COL14A1: variants seen among roughly 807,000 people sequenced by gnomAD.
COL14A1 encodes the protein collagen alpha-1(XIV) chain.
In COL14A1, 136 loss-of-function variants were observed where a neutral mutation model predicts 230.3. The observed-to-expected ratio is 0.59, with a 90% CI of 0.51 to 0.68. The LOEUF is 0.68. Ranked by LOEUF, COL14A1 falls within the 30% of genes least tolerant of loss-of-function variation. The pLI is 0.00. For missense variants in COL14A1, 1,976 were observed against 2,215.8 expected (o/e 0.89, Z 2.17); for synonymous variants, 792 against 784.1 (o/e 1.01, Z -0.17).
intron 2 of COL14A1, among the ~76,000 whole-genome samples, chr8:120,149,257 C>A (rs1345327337): frequency 6.6e-6 from 1 of 152,176 alleles, no homozygotes; most frequent in African/African-American, 2.4e-5. Flanking sequence ...AATGCATGAA[C>A]CACCACACAC....
At chr8:120,234,220 G>A (rs971572237) in intron 19 of COL14A1, among the ~76,000 whole-genome samples, 2 of 152,186 alleles carry the variant, frequency 1.3e-5, no homozygotes, top group African/African-American at 4.8e-5. Flanking sequence ...GGGCTGAGAT[G>A]ATGGGGTTTT....
chr8:120,187,340 T>C (rs926139607), intron 5 of COL14A1, among the ~76,000 whole-genome samples: 1 of 152,166 alleles, frequency 6.6e-6, no homozygotes, highest in Non-Finnish European at 1.5e-5. Flanking sequence ...TTGTTTACTT[T>C]TATAAAGCGC....
intron 42 of COL14A1, among the ~76,000 whole-genome samples, chr8:120,339,365 A>G (rs1245592671): frequency 3.3e-5 from 5 of 152,204 alleles, no homozygotes; most frequent in African/African-American, 1.2e-4. Flanking sequence ...TTGAAGTGAA[A>G]TTCAGCCACA....
intron 26 of COL14A1, among the ~76,000 whole-genome samples, chr8:120,273,146 A>G (rs936193745): frequency 1.3e-5 from 2 of 151,876 alleles, no homozygotes; most frequent in African/African-American, 4.8e-5. Context: ...GGAATCCTCA[A>G]AAGTATACAA....
In COL14A1 at chr8:120,216,486, A is replaced by G. The variant is rs771120594; in HGVS notation, c.1733A>G (p.Asn578Ser). 1.2e-6 allele frequency: 2 copies of G among 1,608,698 alleles called. No homozygotes were observed. Among genetic ancestry groups the G allele is most frequent in the Non-Finnish European group, 1.7e-6 (2 of 1,178,550 alleles). Reference protein sequence around the residue: ...VYNNADGTEINEVEVDPITTF... With the variant: ...VYNNADGTEISEVEVDPITTF... ...AACAATGCAGATGGGACTGAAATCA[A>G]TGAGGTAAGTTCCGGGACATAATGT... The change falls in exon 14 of 48, where the codon AAT becomes AGT. Residue 578 changes from asparagine to serine, a missense_variant. Asn to Ser is a conservative substitution (Grantham distance 46). Around this residue, in one of 3 missense-constraint regions of COL14A1, gnomAD observed 1,791 missense variants for 2,019.5 expected, o/e 0.89. Transcript: ENST00000297848.
At chr8:120,222,414 T>C (rs558903687) in intron 14 of COL14A1, among the ~76,000 whole-genome samples, 1 of 152,360 alleles carries the variant, frequency 6.6e-6, no homozygotes, top group African/African-American at 2.4e-5. Flanking sequence ...ACAGCTGGGC[T>C]CTGCCATGTG....
At chr8:120,167,165 G>T (rs1815927539) in intron 4 of COL14A1, among the ~76,000 whole-genome samples, 1 of 151,982 alleles carries the variant, frequency 6.6e-6, no homozygotes, top group African/African-American at 2.4e-5. Flanking sequence ...CATGACCTTG[G>T]CAAATGACAG....
At chr8:120,245,738 G>C (rs1049386163) in intron 20 of COL14A1, among the ~76,000 whole-genome samples, 1 of 152,170 alleles carries the variant, frequency 6.6e-6, no homozygotes, top group African/African-American at 2.4e-5. Flanking sequence ...CTTGGTGGGG[G>C]TGGCAAGCAG....
chr8:120,342,900 A>G (rs562954153), intron 44 of COL14A1, among the ~76,000 whole-genome samples: 1 of 152,356 alleles, frequency 6.6e-6, no homozygotes, highest in East Asian at 1.9e-4. Context: ...TTTCACATCC[A>G]TTACCTTCTG....
chr8:120,193,536 G>T (rs1464561915), intron 5 of COL14A1, among the ~76,000 whole-genome samples: 1 of 152,208 alleles, frequency 6.6e-6, no homozygotes, highest in African/African-American at 2.4e-5. Flanking sequence ...CTCGTTCTCA[G>T]ATCTCCAGCT....
At chr8:120,260,736 A>G (rs1454329388) in intron 23 of COL14A1, among the ~76,000 whole-genome samples, 1 of 152,186 alleles carries the variant, frequency 6.6e-6, no homozygotes, top group Non-Finnish European at 1.5e-5. Flanking sequence ...GCCTACGAGG[A>G]AAACACTTGA....
intron 31 of COL14A1, among the ~76,000 whole-genome samples, chr8:120,283,400 T>C (rs1820099959): frequency 6.6e-6 from 1 of 152,194 alleles, no homozygotes; most frequent in Admixed American, 6.5e-5. Flanking sequence ...CTTAAAAATA[T>C]TTAAGGAAAT....
At chr8:120,272,192 A>C (rs1483544476) in intron 26 of COL14A1, among the ~76,000 whole-genome samples, 1 of 151,740 alleles carries the variant, frequency 6.6e-6, no homozygotes, top group East Asian at 1.9e-4. Flanking sequence ...ATCCAGCAAA[A>C]CTAAGTTTTA....
At position 120,226,623 on chromosome 8, in the gene COL14A1, A is replaced by C. The variant is rs767427182; in HGVS notation, c.1865-4A>C. 18 of 1,612,312 alleles carry C rather than the reference A, an allele frequency of 1.1e-5. No homozygotes were observed. Among genetic ancestry groups the C allele is most frequent in the Non-Finnish European group, 1.4e-5 (17 of 1,179,002 alleles). On this transcript the variant is annotated splice_region_variant and splice_polypyrimidine_tract_variant and intron_variant, in intron 15 of 47. Transcript: ENST00000297848. ...CTAACAAAACCTCCTTCCTCGGTTT[A>C]CAGAGGAAGTTCCAGCCCAGCAATA...
chr8:120,185,596 C>A (rs62527010), intron 5 of COL14A1, among the ~76,000 whole-genome samples: 4 of 151,864 alleles, frequency 2.6e-5, no homozygotes, highest in African/African-American at 9.7e-5. Flanking sequence ...CCCAGGAATG[C>A]GAGATTGTAG....
At chr8:120,293,726 G>A (rs1365125351) in intron 34 of COL14A1, among the ~76,000 whole-genome samples, 1 of 151,784 alleles carries the variant, frequency 6.6e-6, no homozygotes, top group Non-Finnish European at 1.5e-5. Context: ...TTGTACTAGA[G>A]ACTATATGTC....
chr8:120,338,487 A>G (rs1046236248), intron 42 of COL14A1, among the ~76,000 whole-genome samples: 2 of 152,164 alleles, frequency 1.3e-5, no homozygotes, highest in Admixed American at 1.3e-4. Flanking sequence ...CTCATTTTCC[A>G]TATCTGGAAA....
chr8:120,270,266 G>A, intron 26 of COL14A1, 92 bp downstream of exon 26: 1 of 1,267,700 alleles, frequency 7.9e-7, no homozygotes, highest in Non-Finnish European at 1.1e-6. Context: ...TATAGGTCAA[G>A]AACTGTAATG....
At chr8:120,230,861 G>A (rs1818245758) in intron 18 of COL14A1, among the ~76,000 whole-genome samples, 1 of 152,174 alleles carries the variant, frequency 6.6e-6, no homozygotes, top group Non-Finnish European at 1.5e-5. Context: ...CAACAAATAA[G>A]GGAGCAGGCA....
Sources: gnomAD v4.1 joint callset for allele counts (sites outside exome capture counted in the v4.1 genomes callset) on GRCh38, gnomAD v4.1.1 for gene constraint, gnomAD v4.1.1 regional missense constraint, MANE v1.5 for transcripts, NCBI Gene and HGNC (gene_info 2026-07-23, HGNC 2026-07-21) for gene names.